Variants in RTTN observed in about 807,000 individuals in gnomAD.
RTTN encodes rotatin.
In RTTN, 182 loss-of-function variants were observed where a neutral mutation model predicts 269.2. The observed-to-expected ratio is 0.68, with a 90% CI of 0.60 to 0.76. RTTN has a LOEUF of 0.76. Ranked by LOEUF, RTTN falls within the 30% of genes least tolerant of loss-of-function variation. The pLI is 0.00. For synonymous variants in RTTN, 1,006 were observed against 963.5 expected, an observed-to-expected ratio of 1.04 and a Z score of -0.82; for missense variants, 2,545 against 2,608.6, an observed-to-expected ratio of 0.98 and a Z score of 0.53.
intron 34 of RTTN, among the ~76,000 whole-genome samples, chr18:70,068,818 T>C (rs1053589129): frequency 6.6e-6 from 1 of 152,184 alleles, no homozygotes; most frequent in Non-Finnish European, 1.5e-5. Context: ...ATCTGCCACA[T>C]GACATATCCT....
chr18:70,044,708 G>A (rs772691176), intron 40 of RTTN, among the ~76,000 whole-genome samples: 5 of 151,958 alleles, frequency 3.3e-5, no homozygotes, highest in Non-Finnish European at 7.4e-5. Flanking sequence ...ATCCTTCTTC[G>A]TCTTGTGATT....
In RTTN at chr18:70,205,168, A is replaced by T. The variant is rs768122911; in HGVS notation, c.179T>A (p.Met60Lys). Residue 60 changes from methionine to lysine, a missense_variant, in exon 2 of 49, where the codon ATG becomes AAG. Transcript: ENST00000640769. Reference protein sequence around the residue: ...LEWFNFPSVPMKEEVLNLLSR... With the variant: ...LEWFNFPSVPKKEEVLNLLSR... ...TAACAGGTTCAGAACCTCTTCCTTC[A>T]TCGGAACGGACGGGAAATTGAACCA... The T allele has an allele frequency of 1.9e-6, 3 of 1,614,080 alleles. No individual in the cohort carries two copies. In the Admixed American group the frequency reaches 5.0e-5, roughly 27 times the overall value.
chr18:70,162,341 C>G (rs997438293), intron 14 of RTTN, among the ~76,000 whole-genome samples: 1 of 152,126 alleles, frequency 6.6e-6, no homozygotes, highest in African/African-American at 2.4e-5. Context: ...GAACAACAGA[C>G]AGTGGGGCCT....
intron 26 of RTTN, among the ~76,000 whole-genome samples, chr18:70,120,853 C>T (rs1273027152): frequency 1.3e-5 from 2 of 152,004 alleles, no homozygotes; most frequent in East Asian, 1.9e-4. Context: ...GAGTTCAAGA[C>T]GAGCCTGGCC....
intron 43 of RTTN, among the ~76,000 whole-genome samples, chr18:70,026,996 T>C (rs2056872656): frequency 6.6e-6 from 1 of 152,210 alleles, no homozygotes; most frequent in Non-Finnish European, 1.5e-5. Flanking sequence ...TAATGCATGA[T>C]AATGCAGTGG....
chr18:70,117,971 G>A (rs1046216903), intron 26 of RTTN, among the ~76,000 whole-genome samples: 2 of 151,844 alleles, frequency 1.3e-5, no homozygotes, highest in Non-Finnish European at 2.9e-5. Flanking sequence ...AAACTTATGG[G>A]ATACAGCAAA....
chr18:70,075,688 C>T, intron 32 of RTTN, 147 bp from the exon 33 acceptor site: 1 of 583,266 alleles, frequency 1.7e-6, no homozygotes, highest in Non-Finnish European at 2.9e-6. Flanking sequence ...ACAGTTATAG[C>T]AGCCTGACCT....
chr18:70,129,180 T>C (rs2059938360), intron 23 of RTTN: 1 of 152,084 alleles, frequency 6.6e-6, no homozygotes, highest in African/African-American at 2.4e-5. Context: ...TAAAGACACA[T>C]GCATGTGTAT....
At chr18:70,091,988 C>T (rs529309199) in intron 30 of RTTN, 122 bp downstream of exon 30, 25 of 507,370 alleles carry the variant, frequency 4.9e-5, no homozygotes, top group African/African-American at 3.0e-4. Context: ...CTCCTGACCT[C>T]GTGATCTGCC....
intron 28 of RTTN, among the ~76,000 whole-genome samples, chr18:70,096,899 T>G (rs1599521050): frequency 6.6e-6 from 1 of 152,216 alleles, no homozygotes; most frequent in East Asian, 1.9e-4. Flanking sequence ...TGCCCACAGC[T>G]GCCCCTTCCC....
chr18:70,036,969 C>T (rs2057193111), intron 40 of RTTN, among the ~76,000 whole-genome samples: 1 of 152,214 alleles, frequency 6.6e-6, no homozygotes, highest in Non-Finnish European at 1.5e-5. Flanking sequence ...CTAACTTGCA[C>T]ACTTGGAGGA....
At chr18:70,033,660 A>C (rs1159618538) in intron 40 of RTTN, among the ~76,000 whole-genome samples, 1 of 152,216 alleles carries the variant, frequency 6.6e-6, no homozygotes, top group African/African-American at 2.4e-5. Context: ...CACAACTAAA[A>C]GAACTAGAGA....
At chr18:70,110,713 G>T (rs2059442177) in intron 27 of RTTN, among the ~76,000 whole-genome samples, 1 of 152,198 alleles carries the variant, frequency 6.6e-6, no homozygotes, top group Non-Finnish European at 1.5e-5. Context: ...AGACAGAAGT[G>T]TTCACTCCGC....
chr18:70,043,041 T>G (rs1205876043), intron 40 of RTTN, among the ~76,000 whole-genome samples: 1 of 151,716 alleles, frequency 6.6e-6, no homozygotes, highest in Non-Finnish European at 1.5e-5. Flanking sequence ...AGCACAGAGG[T>G]AAAGGAATTC....
At chr18:70,184,647 A>G (rs2061492208) in intron 10 of RTTN, among the ~76,000 whole-genome samples, 1 of 150,492 alleles carries the variant, frequency 6.6e-6, no homozygotes, top group African/African-American at 2.4e-5. Flanking sequence ...TTAAGATGTC[A>G]ATTTTTCCTG....
intron 46 of RTTN, chr18:70,008,431 C>T (rs1361225871): frequency 6.6e-6 from 1 of 151,964 alleles, no homozygotes; most frequent in Non-Finnish European, 1.5e-5. Flanking sequence ...AAGCAGGCTT[C>T]AGAAGGTGGG....
At chr18:70,072,011 A>G (rs1208598861) in intron 34 of RTTN, among the ~76,000 whole-genome samples, 1 of 152,202 alleles carries the variant, frequency 6.6e-6, no homozygotes, top group Non-Finnish European at 1.5e-5. Context: ...TTTTTTATAC[A>G]TAAGAAAGTA....
chr18:70,149,821 C>A, intron 16 of RTTN, 150 bp downstream of exon 16: 1 of 635,608 alleles, frequency 1.6e-6, no homozygotes, highest in South Asian at 1.7e-5. Flanking sequence ...ACAAGACAGC[C>A]ACCCACTTCC....
At chr18:70,101,998 T>C (rs574576128) in intron 28 of RTTN, among the ~76,000 whole-genome samples, 5 of 152,202 alleles carry the variant, frequency 3.3e-5, no homozygotes, top group Non-Finnish European at 7.3e-5. Flanking sequence ...TAATTCCAAC[T>C]ATGTGGTCAA....
Sources: gnomAD v4.1 joint callset for allele counts (sites outside exome capture counted in the v4.1 genomes callset) on GRCh38, gnomAD v4.1.1 for gene constraint, MANE v1.5 for transcripts, NCBI Gene and HGNC (gene_info 2026-07-23, HGNC 2026-07-21) for gene names.